PCDHA5: variants seen among roughly 807,000 people sequenced by gnomAD.
The protein encoded by PCDHA5 is protocadherin alpha-5.
A neutral mutation model predicts 61.6 loss-of-function variants in PCDHA5; 43 were observed. The observed-to-expected ratio is 0.70, with a 90% CI of 0.55 to 0.90. PCDHA5 has a LOEUF of 0.90. Ranked by LOEUF, PCDHA5 falls within the 40% of genes least tolerant of loss-of-function variation. The probability of loss-of-function intolerance (pLI) is 0.00; values close to 1 mark genes in which losing one functional copy is unlikely to be tolerated. For missense variants in PCDHA5, 1,298 were observed against 1,222.7 expected (o/e 1.06, Z -0.92); for synonymous variants, 627 against 543.9 (o/e 1.15, Z -2.13).
intron 1 of PCDHA5, chr5:140,876,879 G>T (rs782299548): frequency 6.2e-7 from 1 of 1,614,150 alleles, no homozygotes; most frequent in Non-Finnish European, 8.5e-7. Context: ...AGAACAACCC[G>T]CCGGGCTGCC....
chr5:140,955,658 AT>A (rs1187332497), intron 1 of PCDHA5, among the ~76,000 whole-genome samples: 1 of 152,156 alleles, frequency 6.6e-6, no homozygotes, highest in African/African-American at 2.4e-5. Flanking sequence ...ACACATATGA[AT>A]TTTAACATAG....
At chr5:140,897,993 A>G (rs2066447415) in intron 1 of PCDHA5, among the ~76,000 whole-genome samples, 1 of 152,184 alleles carries the variant, frequency 6.6e-6, no homozygotes, top group African/African-American at 2.4e-5. Flanking sequence ...TCTTCTTTTG[A>G]GAAGTGTCTG....
intron 3 of PCDHA5, among the ~76,000 whole-genome samples, chr5:140,986,380 G>T (rs1554247980): frequency 6.6e-6 from 1 of 152,130 alleles, no homozygotes; most frequent in African/African-American, 2.4e-5. Flanking sequence ...TGGGGGGAGG[G>T]ACATTAAAGG....
chr5:140,906,175 G>T (rs1177661963), intron 1 of PCDHA5, among the ~76,000 whole-genome samples: 18 of 152,058 alleles, frequency 1.2e-4, no homozygotes, highest in African/African-American at 4.1e-4. Flanking sequence ...ACAATACTTT[G>T]CATCCTTCAA....
chr5:140,914,364 A>T lies in PCDHA5; in HGVS notation c.2353-64585A>T, dbSNP rs1256559741. 2.0e-5 allele frequency among the ~76,000 whole-genome samples: 3 copies of T among 152,096 alleles called. No individual in the cohort carries two copies. The East Asian group carries it at 5.8e-4, about 29-fold the overall frequency. On this transcript the variant is annotated intron_variant, in intron 1 of 3. Transcript: ENST00000529859. ...CTCTTTTTGGAGTTTTTGTCTTGAG[A>T]TCTATTTTATCTGTTATAAGTGTAG...
chr5:140,941,211 CTTCCTTTCTTTCTTTCTTTCTTT>C (rs2092859339), intron 1 of PCDHA5, among the ~76,000 whole-genome samples: 20 of 129,726 alleles, frequency 1.5e-4, no homozygotes, highest in Admixed American at 7.8e-4. Flanking sequence ...TCCTTTCTTT[CTTCCTTTCTTTCTTTCTTTCTTT>C]CTTTCTTTCT....
chr5:140,972,733 G>A (rs1037610917), intron 1 of PCDHA5, among the ~76,000 whole-genome samples: 7 of 147,652 alleles, frequency 4.7e-5, no homozygotes, highest in Non-Finnish European at 7.4e-5. Context: ...GCGTAATCCC[G>A]GCTCACTGCA....
rs782380359 is a variant in PCDHA5 at position 140,858,226 on chromosome 5, C to T, written c.2352+34099C>T. ...CACTGAGGTGCTCGGCGGCGCCCAC[C>T]GAGGGCGCATGTGGGCCGGTGAAGC... On this transcript the variant is annotated intron_variant, in intron 1 of 3. Transcript: ENST00000529859. 1.3e-5 allele frequency: 21 copies of T among 1,595,412 alleles called. 1 individual carries two copies. The highest frequency in any genetic ancestry group is 1.6e-5 in the Non-Finnish European group (19 of 1,165,410).
At chr5:140,858,360 GC>G (rs1562537531) in intron 1 of PCDHA5, 1 of 1,592,532 alleles carries the variant, frequency 6.3e-7, no homozygotes. Context: ...ATGGCCTTCA[GC>G]CCCAGCCTTC....
intron 1 of PCDHA5, among the ~76,000 whole-genome samples, chr5:140,911,222 T>G (rs2075377398): frequency 6.6e-6 from 1 of 152,204 alleles, no homozygotes; most frequent in African/African-American, 2.4e-5. Flanking sequence ...ATGAGAAAGC[T>G]GTTTCTTCTG....
intron 1 of PCDHA5, among the ~76,000 whole-genome samples, chr5:140,921,987 G>T (rs1414139435): frequency 6.6e-6 from 1 of 151,868 alleles, no homozygotes; most frequent in Non-Finnish European, 1.5e-5. Context: ...AACTAAAAAA[G>T]AGTTCAATGA....
chr5:140,830,840 T>G (rs1048325789), intron 1 of PCDHA5: 1 of 154,714 alleles, frequency 6.5e-6, no homozygotes, highest in African/African-American at 2.4e-5. Flanking sequence ...ATAATTTTTT[T>G]ACATATACTC....
chr5:140,992,971 T>C (rs1186217726), intron 3 of PCDHA5, among the ~76,000 whole-genome samples: 17 of 152,166 alleles, frequency 1.1e-4, no homozygotes, highest in Admixed American at 1.1e-3. Flanking sequence ...CTGCTGACAA[T>C]GATTAGGCCA....
chr5:140,832,848 G>A (rs968087130), intron 1 of PCDHA5, among the ~76,000 whole-genome samples: 3 of 152,162 alleles, frequency 2.0e-5, no homozygotes, highest in Admixed American at 6.6e-5. Flanking sequence ...GAAGGAGACC[G>A]TGAAGAGTCA....
chr5:140,865,458 GA>G (rs1462092731), intron 1 of PCDHA5: 4 of 152,192 alleles, frequency 2.6e-5, no homozygotes, highest in African/African-American at 9.6e-5. Flanking sequence ...TGATTTCTAT[GA>G]AGATAAACAT....
At chr5:140,848,137 T>G in intron 1 of PCDHA5, 1 of 195,782 alleles carries the variant, frequency 5.1e-6, no homozygotes, top group Non-Finnish European at 1.1e-5. Context: ...ATACAAAACT[T>G]TTAGAGGCAG....
intron 3 of PCDHA5, among the ~76,000 whole-genome samples, chr5:140,993,787 A>AT (rs1554253947): frequency 6.6e-6 from 1 of 152,196 alleles, no homozygotes; most frequent in Non-Finnish European, 1.5e-5. Context: ...GTACAGTAAC[A>AT]TGCTGTGCAG....
intron 3 of PCDHA5, among the ~76,000 whole-genome samples, chr5:141,007,658 A>G (rs2098338890): frequency 6.6e-6 from 1 of 152,098 alleles, no homozygotes; most frequent in Non-Finnish European, 1.5e-5. Context: ...AAAAACCATA[A>G]ATTTACAAAG....
At chr5:140,883,366 C>T (rs34923516) in intron 1 of PCDHA5, 1 of 1,614,174 alleles carries the variant, frequency 6.2e-7, no homozygotes, top group South Asian at 1.1e-5. Context: ...CTCAGCCTAG[C>T]GCCATTATTG....
Sources: allele counts gnomAD v4.1 joint callset (sites outside exome capture counted in the v4.1 genomes callset), GRCh38; gene constraint gnomAD v4.1.1; transcripts MANE v1.5; gene names NCBI Gene and HGNC (gene_info 2026-07-23, HGNC 2026-07-21).